The following CHD8 variants were observed in gnomAD, a reference collection of about 807,000 sequenced individuals.
CHD8 encodes chromodomain helicase DNA binding protein 8.
A neutral mutation model predicts 279.2 loss-of-function variants in CHD8; 31 were observed. The ratio of observed to expected loss-of-function variants is 0.11; its 90% CI spans 0.08 to 0.15. CHD8 has a LOEUF of 0.15. CHD8 is among the 10% of genes least tolerant of loss of function. The pLI is 1.00. For synonymous variants in CHD8, 1,081 were observed against 1,139.6 expected, an observed-to-expected ratio of 0.95 and a Z score of 1.04; for missense variants, 2,146 against 3,230.5, an observed-to-expected ratio of 0.66 and a Z score of 8.14.
At chr14:21,419,281 G>A (rs1260373777) in intron 5 of CHD8, among the ~76,000 whole-genome samples, 3 of 152,128 alleles carry the variant, frequency 2.0e-5, no homozygotes, top group African/African-American at 4.8e-5. Flanking sequence ...AGGGTGGGCC[G>A]GGAGCGGTGG....
intron 1 of CHD8, among the ~76,000 whole-genome samples, chr14:21,451,914 G>C: frequency 6.6e-6 from 1 of 152,194 alleles, no homozygotes; most frequent in Non-Finnish European, 1.5e-5. Flanking sequence ...TAACTACAAA[G>C]AGGTGGACTT....
chr14:21,438,911 G>A (rs552994111), intron 1 of CHD8, among the ~76,000 whole-genome samples: 16 of 152,126 alleles, frequency 1.1e-4, no homozygotes, highest in African/African-American at 3.9e-4. Context: ...CAGATCACTT[G>A]AGGCCAGGAG....
At position 21,385,469 on chromosome 14, in the gene CHD8, CATTTT is replaced by C. The variant is rs1055398493; in HGVS notation, c.*139_*143del. Reference sequence around the variant, plus strand: ...TCTCATAATTGGGAGCAATCAGGTACATTTTTTTTTTTTTTTCCTTTTCACCTCCT... The same window carrying C: ...TCTCATAATTGGGAGCAATCAGGTACTTTTTTTTTTTCCTTTTCACCTCCT... On this transcript the variant is annotated 3_prime_UTR_variant, in exon 38 of 38. Coordinates refer to ENST00000646647, the MANE Select transcript of CHD8 (RefSeq NM_001170629.2). The C allele has an allele frequency of 3.4e-5, 36 of 1,056,680 alleles. No individual in the cohort carries two copies. Among genetic ancestry groups the C allele is most frequent in the Non-Finnish European group, 4.7e-5 (36 of 761,518 alleles). 65.5% of individuals were successfully genotyped at this position (1,056,680 alleles called of 1,614,324 possible). A position where few individuals can be genotyped will look rare whatever the true frequency, so the allele number is the denominator to read the frequency against.
intron 1 of CHD8, among the ~76,000 whole-genome samples, chr14:21,438,512 T>TAAA (rs559681631): frequency 0.028 from 3,145 of 112,344 alleles, 86 homozygotes; most frequent in African/African-American, 0.045. Flanking sequence ...CCTAGTCTCT[T>TAAA]AAAAAAAAAA....
At position 21,423,055 on chromosome 14, in the gene CHD8, A is replaced by C. The variant is rs567349706; in HGVS notation, c.1716+3073T>G. On this transcript the variant is annotated intron_variant, in intron 5 of 37. Coordinates refer to ENST00000646647, the MANE Select transcript of CHD8 (RefSeq NM_001170629.2). ...AGGCCAACATGGCGAAACCCTGTCT[A>C]CTAAAAATATAAAAATTAGCTGGGC... Among the ~76,000 whole-genome samples, 3 of 151,942 alleles carry C rather than the reference A, an allele frequency of 2.0e-5. No homozygotes were observed. In the South Asian group the frequency reaches 6.2e-4, roughly 32 times the overall value.
Position 21,402,950 on chromosome 14 carries a change from G to T in CHD8, c.3714+67C>A. On this transcript the variant is annotated intron_variant, in intron 18 of 37. Transcript: ENST00000646647. This position sits in a 1 kb window ranked among gnomAD's most constrained non-coding sequence, Gnocchi z 4.5. ...AACTCTGTGAAAGGTCTTTCTAAAA[G>T]ATCCTATTCTTGTTGAAAAATCTCC... 7.6e-7 allele frequency: 1 copy of T among 1,320,882 alleles called. No homozygotes were observed. The allele number at this position is 1,320,882 out of a possible 1,614,324, so 81.8% of individuals were successfully genotyped here.
chr14:21,437,246 A>G (rs1889824238), intron 1 of CHD8: 1 of 1,170,304 alleles, frequency 8.5e-7, no homozygotes, highest in Non-Finnish European at 1.1e-6. Context: ...CTCCAGCACC[A>G]GTTCCCCCTC....
At position 21,431,546 on chromosome 14, in the gene CHD8, A is replaced by G. The variant is rs1324228621; in HGVS notation, c.98T>C (p.Ile33Thr). 1.3e-5 allele frequency: 20 copies of G among 1,536,992 alleles called. No individual in the cohort carries two copies. The highest frequency in any genetic ancestry group is 1.7e-4 in the Middle Eastern group (1 of 6,012). ...DSFNQVTQDPIEEALGLPSSL... is the reference protein window; with the variant it reads ...DSFNQVTQDPTEEALGLPSSL... The stretch of plus-strand genomic sequence containing the variant: ...GCTTGGCAGTCCAAGGGCTTCCTCA[A>G]TGGGGTCTTGTGTGACCTGGTTAAA... The change falls in exon 2 of 38, where the codon ATT becomes ACT. Residue 33 changes from isoleucine (I) to threonine (T), a missense_variant. Ile to Thr is a moderately conservative substitution (Grantham distance 89). This residue lies in a region of CHD8 where 302 missense variants were observed against 325.5 expected (regional missense o/e 0.93). Coordinates refer to ENST00000646647, the MANE Select transcript of CHD8 (RefSeq NM_001170629.2).
At chr14:21,388,499 A>G (rs183845583) in intron 37 of CHD8, among the ~76,000 whole-genome samples, 9 of 152,236 alleles carry the variant, frequency 5.9e-5, no homozygotes, top group Admixed American at 5.9e-4. Context: ...TTATTTATTT[A>G]TTTATTTTTT....
intron 35 of CHD8, 71 bp downstream of exon 35, chr14:21,391,762 C>A: frequency 6.6e-7 from 1 of 1,520,364 alleles, no homozygotes; most frequent in Admixed American, 1.7e-5. Flanking sequence ...CCCAGTCCCA[C>A]TGCCTTCATC....
At chr14:21,410,921 A>G (rs1484624491) in intron 10 of CHD8, among the ~76,000 whole-genome samples, 1 of 152,212 alleles carries the variant, frequency 6.6e-6, no homozygotes, top group East Asian at 1.9e-4. Flanking sequence ...TGTCCAGGTC[A>G]CATATTTCCA....
intron 1 of CHD8, among the ~76,000 whole-genome samples, chr14:21,432,429 C>G (rs947979908): frequency 5.3e-5 from 8 of 152,264 alleles, no homozygotes; most frequent in Non-Finnish European, 1.0e-4. Flanking sequence ...ACATATTAAT[C>G]TATAATGGGA....
At chr14:21,391,198 A>C in intron 36 of CHD8, 135 bp from the exon 37 acceptor site, 1 of 716,610 alleles carries the variant, frequency 1.4e-6, no homozygotes, top group Non-Finnish European at 2.3e-6. Flanking sequence ...GAAAACTGCC[A>C]TTAAGTGGGA....
intron 1 of CHD8, among the ~76,000 whole-genome samples, chr14:21,433,962 A>C (rs149207921): frequency 1.3e-5 from 2 of 149,958 alleles, no homozygotes; most frequent in African/African-American, 4.9e-5. Flanking sequence ...GGCACCAATT[A>C]TTTTTCATTC....
Position 21,403,004 on chromosome 14 carries a change from T to C in CHD8, c.3714+13A>G. On this transcript the variant is annotated intron_variant, in intron 18 of 37. Coordinates refer to ENST00000646647, the MANE Select transcript of CHD8 (RefSeq NM_001170629.2). The surrounding 1 kb of genome is among the most constrained non-coding windows in gnomAD (Gnocchi z 4.3). ...GTTAGGTAGTTAGTCCCTAAGACAA[T>C]GAATTCCTTTACCTGCAGGTCATTT... The C allele has an allele frequency of 1.2e-6, 2 of 1,606,282 alleles. No individual in the cohort carries two copies. The highest frequency in any genetic ancestry group is 1.7e-6 in the Non-Finnish European group (2 of 1,173,964).
At chr14:21,387,232 TC>T (rs1887290818) in intron 37 of CHD8, among the ~76,000 whole-genome samples, 1 of 152,140 alleles carries the variant, frequency 6.6e-6, no homozygotes, top group African/African-American at 2.4e-5. Context: ...ATGCCTGTAA[TC>T]CCAGCACTTT....
chr14:21,415,789 G>A lies in CHD8; in HGVS notation c.1835C>T (p.Pro612Leu). 6.2e-7 allele frequency: 1 copy of A among 1,613,946 alleles called. No homozygotes were observed. Among genetic ancestry groups the A allele is most frequent in the Non-Finnish European group, 8.5e-7 (1 of 1,179,864 alleles). Reference protein sequence around the residue: ...VDVTGPIKPEPILPEPVQEPD... With the variant: ...VDVTGPIKPELILPEPVQEPD... ...TTCTTGCACTGGTTCAGGGAGGATA[G>A]GCTCAGGTTTTATTGGACCAGTTAC... is the stretch of plus-strand genomic sequence containing the variant. The change falls in exon 6 of 38, where the codon CCT (proline) becomes CTT (leucine). Residue 612 changes from proline to leucine, a missense_variant. Coordinates refer to ENST00000646647, the MANE Select transcript of CHD8 (RefSeq NM_001170629.2).
intron 2 of CHD8, chr14:21,430,034 C>T (rs975117623): frequency 6.5e-6 from 1 of 153,508 alleles, no homozygotes; most frequent in Non-Finnish European, 1.4e-5. Context: ...TTTTGGAAAC[C>T]TAATAATACA....
chr14:21,445,986 G>A (rs896561904), intron 1 of CHD8, among the ~76,000 whole-genome samples: 6 of 151,576 alleles, frequency 4.0e-5, no homozygotes, highest in Non-Finnish European at 5.9e-5. Flanking sequence ...GCGACAGAGC[G>A]AGACTCCGTC....
Sources: gnomAD v4.1 joint callset for allele counts (sites outside exome capture counted in the v4.1 genomes callset) on GRCh38, gnomAD v4.1.1 for gene constraint, gnomAD v4.1.1 regional missense constraint, Gnocchi (gnomAD v3.1) non-coding constraint, MANE v1.5 for transcripts, NCBI Gene and HGNC (gene_info 2026-07-23, HGNC 2026-07-21) for gene names.